Variants in CRTAP observed in about 807,000 individuals in gnomAD.
CRTAP encodes the protein cartilage associated protein.
Under a neutral mutation model 42.7 loss-of-function variants are expected in CRTAP, and 33 were observed. The observed-to-expected ratio is 0.77, with a 90% CI of 0.59 to 1.03. CRTAP has a LOEUF of 1.03. Ranked by LOEUF, CRTAP falls within the 50% of genes least tolerant of loss-of-function variation. The pLI, the probability that CRTAP is intolerant of heterozygous loss-of-function variation, is 0.00. For missense variants in CRTAP, 613 were observed against 533.9 expected (o/e 1.15, Z -1.46); for synonymous variants, 243 against 217.7 (o/e 1.12, Z -1.02).
intron 3 of CRTAP, among the ~76,000 whole-genome samples, chr3:33,127,076 C>A (rs994701572): frequency 6.8e-6 from 1 of 147,078 alleles, no homozygotes; most frequent in Non-Finnish European, 1.5e-5. Flanking sequence ...TCCTTGTGGG[C>A]AAATTATGAG....
intron 3 of CRTAP, among the ~76,000 whole-genome samples, chr3:33,126,953 T>C (rs927426378): frequency 1.3e-5 from 2 of 152,214 alleles, no homozygotes; most frequent in Non-Finnish European, 2.9e-5. Context: ...TAGTCACTTA[T>C]GCTTTAGTCT....
Position 33,124,491 on chromosome 3 carries a change from C to T in CRTAP, c.705C>T (p.Asp235=). The change falls in exon 3 of 7, where the codon GAC becomes GAT. Residue 235 remains aspartate (D), a synonymous_variant. Transcript: ENST00000320954. ...SITDMELALP[D]FFKAFYECLA... ...CAGACATGGAGCTGGCCCTTCCCGA[C>T]TTCTTCAAAGCCTTTTACGAGTGTC... 1.9e-6 allele frequency: 3 copies of T among 1,614,230 alleles called. No homozygotes were observed. The highest frequency in any genetic ancestry group is 2.5e-6 in the Non-Finnish European group (3 of 1,180,044).
intron 2 of CRTAP, among the ~76,000 whole-genome samples, chr3:33,123,624 G>A (rs958318159): frequency 6.7e-5 from 8 of 120,052 alleles, no homozygotes; most frequent in African/African-American, 1.0e-4. Context: ...ACCCAGTCTC[G>A]GTTTTTTTTT....
chr3:33,133,523 T>C (rs2030333910), intron 5 of CRTAP, among the ~76,000 whole-genome samples: 2 of 9,830 alleles, frequency 2.0e-4, no homozygotes, highest in Non-Finnish European at 3.2e-4. Context: ...GTGCTGGGAT[T>C]TACAGGCATG....
intron 3 of CRTAP, among the ~76,000 whole-genome samples, chr3:33,127,604 C>T (rs1009553469): frequency 1.4e-4 from 22 of 151,752 alleles, no homozygotes; most frequent in Admixed American, 2.0e-4. Context: ...TGCACCAACA[C>T]GTCTGGCTAA....
At chr3:33,116,827 T>C (rs72857444) in intron 1 of CRTAP, among the ~76,000 whole-genome samples, 9,036 of 152,256 alleles carry the variant, frequency 0.059, 867 homozygotes, top group African/African-American at 0.2. Context: ...TGTTTATGGC[T>C]TGGCATGATG....
intron 5 of CRTAP, 58 bp downstream of exon 5, chr3:33,132,758 C>T: frequency 6.3e-7 from 1 of 1,596,240 alleles, no homozygotes; most frequent in Non-Finnish European, 8.6e-7. Context: ...CTGGAGACTA[C>T]CTCGTGCCTT....
At chr3:33,121,354 A>G (rs57446694) in intron 2 of CRTAP, among the ~76,000 whole-genome samples, 9,445 of 151,438 alleles carry the variant, frequency 0.062, 897 homozygotes, top group African/African-American at 0.21. Context: ...AGAGGTTGCA[A>G]TGAGCTGAGA....
intron 2 of CRTAP, 93 bp downstream of exon 2, chr3:33,120,586 A>G: frequency 1.9e-6 from 3 of 1,544,742 alleles, no homozygotes; most frequent in Non-Finnish European, 1.7e-6. Context: ...AAGGACCTCT[A>G]GTGATTTTTG....
rs947062236 is a variant in CRTAP at position 33,145,950 on chromosome 3, A to G, written c.*3502A>G. 3.3e-5 allele frequency: 5 copies of G among 152,064 alleles called. No individual in the cohort carries two copies. The highest frequency in any genetic ancestry group is 1.2e-4 in the African/African-American group (5 of 41,372). 9.4% of individuals were successfully genotyped at this position (152,064 alleles called of 1,614,324 possible). On this transcript the variant is annotated 3_prime_UTR_variant, in exon 7 of 7. Transcript: ENST00000320954. This position sits in a 1 kb window ranked among gnomAD's most constrained non-coding sequence, Gnocchi z 4.3. ...GAGGACCCGGGTGATAGTACAGTCAATATTGTCAGTACTTTGCTTTGATTG... is the reference window on the plus strand; with the variant it reads ...GAGGACCCGGGTGATAGTACAGTCAGTATTGTCAGTACTTTGCTTTGATTG...
chr3:33,114,409 G>C lies in CRTAP; in HGVS notation c.332G>C (p.Gly111Ala). 1 of 1,543,174 alleles carries C rather than the reference G, an allele frequency of 6.5e-7. No homozygotes were observed. The highest frequency in any genetic ancestry group is 1.4e-5 in the African/African-American group (1 of 71,430). ...TATCCCGAGCTGCGCCTCTTCGGGG[G>C]CCTGCTGCGCCGCGCGCACTGCCTC... is the stretch of plus-strand genomic sequence containing the variant. ...ASYPELRLFG[G>A]LLRRAHCLKR... The change falls in exon 1 of 7, where the codon GGC becomes GCC. Residue 111 changes from glycine to alanine, a missense_variant. Coordinates refer to ENST00000320954, the MANE Select transcript of CRTAP (RefSeq NM_006371.5).
rs2030697532 is a variant in CRTAP, at chr3:33,145,507, T to C, written c.*3059T>C. Reference sequence around the variant, plus strand: ...CCAACCTTTACTCCACCAGAGAAACTTCCTTTTGAACTCAGTGGGGAAGAG... The same window carrying C: ...CCAACCTTTACTCCACCAGAGAAACCTCCTTTTGAACTCAGTGGGGAAGAG... On this transcript the variant is annotated 3_prime_UTR_variant, in exon 7 of 7. Coordinates refer to ENST00000320954, the MANE Select transcript of CRTAP (RefSeq NM_006371.5). The surrounding 1 kb of genome is among the most constrained non-coding windows in gnomAD (Gnocchi z 4.3). 1 of 152,248 alleles carries C rather than the reference T, an allele frequency of 6.6e-6. No individual in the cohort carries two copies. The highest frequency in any genetic ancestry group is 1.5e-5 in the Non-Finnish European group (1 of 68,074). The allele number at this position is 152,248 out of a possible 1,614,324, so 9.4% of individuals were successfully genotyped here.
intron 2 of CRTAP, among the ~76,000 whole-genome samples, chr3:33,121,304 C>G (rs542780623): frequency 2.0e-5 from 3 of 152,018 alleles, no homozygotes; most frequent in Admixed American, 6.6e-5. Flanking sequence ...CCCAGCTACT[C>G]GAGAGGCTGA....
At chr3:33,117,761 A>G (rs1311341559) in intron 1 of CRTAP, among the ~76,000 whole-genome samples, 1 of 152,050 alleles carries the variant, frequency 6.6e-6, no homozygotes, top group East Asian at 1.9e-4. Context: ...CTCCATCCCT[A>G]CCACCTTCTC....
intron 1 of CRTAP, among the ~76,000 whole-genome samples, chr3:33,117,629 A>G (rs762756538): frequency 9.2e-5 from 14 of 152,256 alleles, no homozygotes; most frequent in Non-Finnish European, 1.9e-4. Flanking sequence ...TGTTAACCCC[A>G]GGCCTTGCCT....
Position 33,120,331 on chromosome 3 carries a change from T to C in CRTAP, c.472-13T>C. 2 of 1,613,172 alleles carry C rather than the reference T, an allele frequency of 1.2e-6. No individual in the cohort carries two copies. Among genetic ancestry groups the C allele is most frequent in the Non-Finnish European group, 8.5e-7 (1 of 1,179,122 alleles). On this transcript the variant is annotated splice_polypyrimidine_tract_variant and intron_variant, in intron 1 of 6. Coordinates refer to ENST00000320954, the MANE Select transcript of CRTAP (RefSeq NM_006371.5). ...CATCCATGGAGTAGCTTTTATGTTC[T>C]TTGTCCTTTTAGGCAAATAATCTCC... is the stretch of plus-strand genomic sequence containing the variant.
intron 6 of CRTAP, among the ~76,000 whole-genome samples, chr3:33,139,920 TA>T (rs1217661582): frequency 6.6e-6 from 1 of 152,266 alleles, no homozygotes; most frequent in Admixed American, 6.5e-5. Context: ...ATGATATAGA[TA>T]ATTTTAAGAA....
At chr3:33,130,657 T>C (rs191820527) in intron 4 of CRTAP, among the ~76,000 whole-genome samples, 5 of 151,060 alleles carry the variant, frequency 3.3e-5, no homozygotes, top group African/African-American at 1.2e-4. Context: ...CTCAGCCTCC[T>C]GAGTAGCTGG....
intron 6 of CRTAP, among the ~76,000 whole-genome samples, chr3:33,135,638 A>G (rs893472971): frequency 5.9e-5 from 9 of 151,866 alleles, no homozygotes; most frequent in Non-Finnish European, 8.8e-5. Flanking sequence ...ATAGAAAAAT[A>G]TATTTAGAAA....
Sources: gnomAD v4.1 joint callset for allele counts (sites outside exome capture counted in the v4.1 genomes callset) on GRCh38, gnomAD v4.1.1 for gene constraint, Gnocchi (gnomAD v3.1) non-coding constraint, MANE v1.5 for transcripts, NCBI Gene and HGNC (gene_info 2026-07-23, HGNC 2026-07-21) for gene names.